Variants in RAB33B observed in about 807,000 individuals in gnomAD.
RAB33B encodes RAB33B, member RAS oncogene family, also known as ras-related protein Rab-33B.
Under a neutral mutation model 15.0 loss-of-function variants are expected in RAB33B, and 6 were observed. The observed-to-expected ratio is 0.40, with a 90% CI of 0.22 to 0.79. The LOEUF (loss-of-function observed/expected upper bound fraction) is 0.79. Among genes scored for constraint, RAB33B ranks in the 30% least tolerant of loss-of-function variants. The probability of loss-of-function intolerance (pLI) is 0.37; values close to 1 mark genes in which losing one functional copy is unlikely to be tolerated. For missense variants in RAB33B, 257 were observed against 296.4 expected (o/e 0.87, Z 0.98); for synonymous variants, 117 against 108.3 (o/e 1.08, Z -0.50).
intron 1 of RAB33B, among the ~76,000 whole-genome samples, chr4:139,460,309 A>G (rs990257128): frequency 3.3e-5 from 5 of 152,370 alleles, no homozygotes; most frequent in African/African-American, 1.2e-4. Flanking sequence ...GGATTGGCAC[A>G]CAGGAGAAAT....
rs892426774 is a variant in RAB33B at position 139,462,353 on chromosome 4, A to T, written c.249+7909A>T. Among the ~76,000 whole-genome samples, 2 of 152,158 alleles carry T rather than the reference A, an allele frequency of 1.3e-5. 1 individual carries two copies. Among genetic ancestry groups the T allele is most frequent in the African/African-American group, 4.8e-5 (2 of 41,460 alleles). On this transcript the variant is annotated intron_variant, in intron 1 of 1. Transcript: ENST00000305626. ...CAGGCGTGAGCCACCGCGCCCGGCC[A>T]TGACAGCTCTTTTGGTAGTTTTATT... is the stretch of plus-strand genomic sequence containing the variant.
At chr4:139,455,627 C>T (rs574243718) in intron 1 of RAB33B, among the ~76,000 whole-genome samples, 1 of 152,172 alleles carries the variant, frequency 6.6e-6, no homozygotes, top group Non-Finnish European at 1.5e-5. Context: ...CATATGAGCT[C>T]TCAGTGGTGG....
intron 1 of RAB33B, among the ~76,000 whole-genome samples, chr4:139,465,843 CCTCAGCCTCCCAA>C (rs1269196490): frequency 1.3e-5 from 2 of 151,744 alleles, no homozygotes; most frequent in Non-Finnish European, 2.9e-5. Context: ...GATCCTCCCA[CCTCAGCCTCCCAA>C]GTAACTGGAA....
chr4:139,447,188 G>A, the RAB33B span, among the ~76,000 whole-genome samples: 50 of 152,258 alleles, frequency 3.3e-4, no homozygotes, highest in East Asian at 4.8e-3. Flanking sequence ...ATGTTCCCCC[G>A]TCATCCTGAA....
At chr4:139,459,871 A>T (rs1331598929) in intron 1 of RAB33B, among the ~76,000 whole-genome samples, 1 of 152,000 alleles carries the variant, frequency 6.6e-6, no homozygotes, top group Non-Finnish European at 1.5e-5. Context: ...TGACCTCGTG[A>T]TCTGCCGCCT....
chr4:139,447,689 CAG>C, the RAB33B span, among the ~76,000 whole-genome samples: 354 of 94,532 alleles, frequency 3.7e-3, 4 homozygotes, highest in African/African-American at 0.014. Flanking sequence ...TTTTTTGAGA[CAG>C]AGTCTCGCTC....
intron 1 of RAB33B, among the ~76,000 whole-genome samples, chr4:139,459,396 A>G (rs1167531825): frequency 1.3e-5 from 2 of 152,162 alleles, no homozygotes; most frequent in Non-Finnish European, 2.9e-5. Context: ...TGATCACACC[A>G]TTGCTCTCCA....
At chr4:139,455,126 C>T (rs950033322) in intron 1 of RAB33B, among the ~76,000 whole-genome samples, 1 of 152,152 alleles carries the variant, frequency 6.6e-6, no homozygotes. Flanking sequence ...TTTTTGGTCC[C>T]TGGGACTGGG....
At chr4:139,438,614 T>C in the RAB33B span, among the ~76,000 whole-genome samples, 5 of 152,096 alleles carry the variant, frequency 3.3e-5, no homozygotes, top group Non-Finnish European at 5.9e-5. Flanking sequence ...TTTGGTCTGA[T>C]GGCAAATCAG....
At chr4:139,448,276 G>C (rs1430785528), upstream of RAB33B, among the ~76,000 whole-genome samples, 1 of 152,200 alleles carries the variant, frequency 6.6e-6, no homozygotes, top group African/African-American at 2.4e-5. Context: ...TGAAGGCAAA[G>C]GGAATACAGA....
intron 1 of RAB33B, among the ~76,000 whole-genome samples, chr4:139,455,212 C>CGAA (rs1554003400): frequency 6.6e-6 from 1 of 152,166 alleles, no homozygotes; most frequent in Non-Finnish European, 1.5e-5. Context: ...GGGTTGGAAT[C>CGAA]TAACAGTGGA....
the RAB33B span, among the ~76,000 whole-genome samples, chr4:139,444,552 G>A: frequency 2.0e-5 from 3 of 152,148 alleles, no homozygotes; most frequent in Admixed American, 6.5e-5. Context: ...GTAAAACTGT[G>A]CACTGGGGAA....
At position 139,472,878 on chromosome 4, in the gene RAB33B, A is replaced by G. The variant is rs1233351667; in HGVS notation, c.442A>G (p.Asn148Asp). ...TGATATACCACGGATTCTTGTTGGA[A>G]ATAAATGTGACTTGAGAAGTGCCAT... is the stretch of plus-strand genomic sequence containing the variant. The part of the protein sequence containing the change: ...ANDIPRILVG[N>D]KCDLRSAIQV... Residue 148 changes from asparagine (N) to aspartate (D), a missense_variant, in exon 2 of 2, where the codon AAT (asparagine) becomes GAT (aspartate). Transcript: ENST00000305626. 6.2e-7 allele frequency: 1 copy of G among 1,614,212 alleles called. No individual in the cohort carries two copies. The highest frequency in any genetic ancestry group is 1.7e-5 in the Admixed American group (1 of 60,018).
At chr4:139,441,293 A>G in the RAB33B span, among the ~76,000 whole-genome samples, 1 of 152,342 alleles carries the variant, frequency 6.6e-6, no homozygotes, top group South Asian at 2.1e-4. Context: ...GGTTGAGGAA[A>G]TAGATTCCAC....
In RAB33B at chr4:139,473,294, A is replaced by G. The variant is rs934697180; in HGVS notation, c.*168A>G. On this transcript the variant is annotated 3_prime_UTR_variant, in exon 2 of 2. Coordinates refer to ENST00000305626, the MANE Select transcript of RAB33B (RefSeq NM_031296.3). Reference sequence around the variant, plus strand: ...GTATCTACTTAAGTTTGTCACTGTGACAACACAGGAAAAGTTGGTTTTCAG... The same window carrying G: ...GTATCTACTTAAGTTTGTCACTGTGGCAACACAGGAAAAGTTGGTTTTCAG... The G allele has an allele frequency of 1.4e-5, 9 of 645,076 alleles. No individual in the cohort carries two copies. The highest frequency in any genetic ancestry group is 2.3e-5 in the Non-Finnish European group (9 of 398,980). The allele number at this position is 645,076 out of a possible 1,614,324, so 40.0% of individuals were successfully genotyped here. A position where few individuals can be genotyped will look rare whatever the true frequency, so the allele number is the denominator to read the frequency against.
chr4:139,451,735 A>G (rs1749929631), upstream of RAB33B: 1 of 152,110 alleles, frequency 6.6e-6, no homozygotes, highest in South Asian at 2.1e-4. Flanking sequence ...ATCTTTACAT[A>G]CTTATCTTAC....
rs772891750 is a variant in RAB33B at position 139,454,463 on chromosome 4, G to A, written c.249+19G>A. 1.8e-5 allele frequency: 29 copies of A among 1,602,320 alleles called. No homozygotes were observed. Among genetic ancestry groups the A allele is most frequent in the Non-Finnish European group, 2.3e-5 (27 of 1,178,900 alleles). On this transcript the variant is annotated intron_variant, in intron 1 of 1. Coordinates refer to ENST00000305626, the MANE Select transcript of RAB33B (RefSeq NM_031296.3). ...CATCAAGGTGAGCGGATGGGGAACTGTTGGGGAGGACAGGGTGACAGGTGT... is the reference window on the plus strand; with the variant it reads ...CATCAAGGTGAGCGGATGGGGAACTATTGGGGAGGACAGGGTGACAGGTGT...
At position 139,454,416 on chromosome 4, in the gene RAB33B, C is replaced by T. The variant is rs1267179477; in HGVS notation, c.221C>T (p.Ala74Val). 1.9e-6 allele frequency: 3 copies of T among 1,611,428 alleles called. No homozygotes were observed. The South Asian group carries it at 3.3e-5, about 18-fold the overall frequency. The change falls in exon 1 of 2, where the codon GCG (alanine) becomes GTG (valine). Residue 74 changes from alanine to valine, a missense_variant. Ala to Val is a moderately conservative substitution (Grantham distance 64). Transcript: ENST00000305626. ...ATIGVDFRER[A>V]VEIDGERIKI... ...ATAGGGGTGGATTTCCGAGAACGAG[C>T]GGTGGAGATTGATGGGGAGCGCATC...
upstream of RAB33B, chr4:139,450,282 G>C (rs939789063): frequency 6.6e-6 from 1 of 152,198 alleles, no homozygotes; most frequent in African/African-American, 2.4e-5. Flanking sequence ...TGAAATTAAA[G>C]CCCTAGTATG....
Sources: gnomAD v4.1 joint callset for allele counts (sites outside exome capture counted in the v4.1 genomes callset) on GRCh38, gnomAD v4.1.1 for gene constraint, MANE v1.5 for transcripts, NCBI Gene and HGNC (gene_info 2026-07-23, HGNC 2026-07-21) for gene names.